FBXO17: variants seen among roughly 807,000 people sequenced by gnomAD.
FBXO17 encodes F-box protein 17.
FBXO17 carries 43 observed loss-of-function variants against 34.1 expected under a neutral mutation model. The observed-to-expected ratio is 1.26, with a 90% CI of 0.99 to 1.62. The LOEUF is 1.62. Ranked by LOEUF, FBXO17 falls within the 40% of genes most tolerant of loss-of-function variation. FBXO17 has a pLI of 0.00. For synonymous variants in FBXO17, 169 were observed against 166.0 expected (o/e 1.02, Z -0.14); for missense variants, 424 against 386.7 (o/e 1.10, Z -0.81).
At chr19:38,974,353 C>G (rs2144850077) in intron 1 of FBXO17, among the ~76,000 whole-genome samples, 1 of 152,196 alleles carries the variant, frequency 6.6e-6, no homozygotes, top group Admixed American at 6.6e-5. Flanking sequence ...GCTGGGATTA[C>G]AAGCGTGAGC....
At position 38,958,406 on chromosome 19, in the gene FBXO17, C is replaced by CAAAAA. The variant is rs61007658; in HGVS notation, c.-17-8075_-17-8071dup. On this transcript the variant is annotated intron_variant, in intron 1 of 5. Transcript: ENST00000292852. ...CTGGGCAACAAGAGTGAAACTGTCT[C>CAAAAA]AAAAAAAAAAAAAAAAAAAAAAGGA... 1.7e-3 allele frequency among the ~76,000 whole-genome samples: 169 copies of CAAAAA among 98,702 alleles called. 1 individual carries two copies. Among genetic ancestry groups the CAAAAA allele is most frequent in the South Asian group, 8.4e-3 (21 of 2,486 alleles). 64.8% of individuals were successfully genotyped at this position (98,702 alleles called of 152,430 possible).
At chr19:38,952,640 C>T (rs1975102345) in intron 1 of FBXO17, 1 of 534,138 alleles carries the variant, frequency 1.9e-6, no homozygotes, top group Non-Finnish European at 3.8e-6. Flanking sequence ...TAGCTCTGGG[C>T]TCACGGCCGC....
At chr19:38,953,757 G>A (rs1220335952) in intron 1 of FBXO17, among the ~76,000 whole-genome samples, 1 of 152,144 alleles carries the variant, frequency 6.6e-6, no homozygotes, top group Non-Finnish European at 1.5e-5. Flanking sequence ...CAGTGCATGG[G>A]GGAAACTGAA....
At chr19:38,972,254 A>G (rs1275248143) in intron 1 of FBXO17, among the ~76,000 whole-genome samples, 1 of 152,078 alleles carries the variant, frequency 6.6e-6, no homozygotes, top group Non-Finnish European at 1.5e-5. Flanking sequence ...AAACAAAAAA[A>G]CTAGGCCGGG....
At chr19:38,959,281 TTC>T (rs1396363254) in intron 1 of FBXO17, among the ~76,000 whole-genome samples, 15 of 52,178 alleles carry the variant, frequency 2.9e-4, no homozygotes, top group African/African-American at 2.0e-3. Flanking sequence ...CTTTCTTTCT[TTC>T]TTTTTTTTTT....
At chr19:38,943,254 T>G (rs1252857886) in intron 5 of FBXO17, among the ~76,000 whole-genome samples, 1 of 151,700 alleles carries the variant, frequency 6.6e-6, no homozygotes, top group Admixed American at 6.6e-5. Flanking sequence ...GAGATAAAAT[T>G]TTCGTAAAAC....
intron 1 of FBXO17, among the ~76,000 whole-genome samples, chr19:38,961,270 T>C (rs1204801630): frequency 7.2e-6 from 1 of 139,294 alleles, no homozygotes; most frequent in East Asian, 2.2e-4. Context: ...TTTATTTCAA[T>C]TGATTTTAAA....
At chr19:38,946,752 T>C (rs1974990254) in intron 3 of FBXO17, 185 bp from the exon 4 acceptor site, 1 of 817,692 alleles carries the variant, frequency 1.2e-6, no homozygotes, top group Non-Finnish European at 1.9e-6. Context: ...GGAGTCCCTT[T>C]GCCATTCTCC....
At chr19:38,952,555 G>A (rs371132924) in intron 1 of FBXO17, 28 of 534,292 alleles carry the variant, frequency 5.2e-5, no homozygotes, top group Middle Eastern at 3.2e-4. Context: ...AACCCCCAGC[G>A]ATGAATCTCA....
At chr19:38,948,802 C>T in intron 2 of FBXO17, 124 bp from the exon 3 acceptor site, 1 of 699,626 alleles carries the variant, frequency 1.4e-6, no homozygotes, top group South Asian at 1.8e-5. Context: ...TCCCTGGTTT[C>T]TCCTACCGAC....
intron 1 of FBXO17, among the ~76,000 whole-genome samples, chr19:38,956,102 C>T (rs188113962): frequency 0.014 from 2,117 of 151,710 alleles, 21 homozygotes; most frequent in Non-Finnish European, 0.023. Flanking sequence ...CCCATCTCTA[C>T]AAAAAATACA....
In FBXO17 at chr19:38,941,754, CAT is replaced by C. The variant is rs1385192597; in HGVS notation, c.*852_*853del. ...GGGTGGGGGTCATGGCCATCACAAA[CAT>C]GTCACAGTGCTGCAGATATTTTGTT... On this transcript the variant is annotated 3_prime_UTR_variant, in exon 6 of 6. Transcript: ENST00000292852. 6.6e-6 allele frequency: 1 copy of C among 152,210 alleles called. No homozygotes were observed. Among genetic ancestry groups the C allele is most frequent in the African/African-American group, 2.4e-5 (1 of 41,454 alleles). The allele number at this position is 152,210 out of a possible 1,614,324, so 9.4% of individuals were successfully genotyped here.
chr19:38,960,282 C>G (rs1232165560), intron 1 of FBXO17, among the ~76,000 whole-genome samples: 1 of 82,270 alleles, frequency 1.2e-5, no homozygotes, highest in Non-Finnish European at 2.2e-5. Context: ...TTATAATAAG[C>G]CATTATTCCT....
chr19:38,972,316 AG>A (rs1975400272), intron 1 of FBXO17, among the ~76,000 whole-genome samples: 1 of 152,136 alleles, frequency 6.6e-6, no homozygotes. Context: ...AGGCCAAGGC[AG>A]GTGGATCACC....
chr19:38,949,879 T>G, intron 2 of FBXO17, 92 bp downstream of exon 2: 9 of 1,374,494 alleles, frequency 6.5e-6, no homozygotes, highest in African/African-American at 1.5e-5. Flanking sequence ...GTCTCGCCCA[T>G]TGGCTACATC....
At chr19:38,947,843 T>C (rs1188203383) in intron 3 of FBXO17, among the ~76,000 whole-genome samples, 2 of 151,288 alleles carry the variant, frequency 1.3e-5, no homozygotes, top group Non-Finnish European at 2.9e-5. Flanking sequence ...GGATTACAGC[T>C]ATGAGCCACC....
rs1325813056 is a variant in FBXO17 at position 38,949,922 on chromosome 19, C to T, written c.349+49G>A. The T allele has an allele frequency of 5.5e-6, 8 of 1,449,854 alleles. No individual in the cohort carries two copies. The South Asian group carries it at 1.1e-4, about 21-fold the overall frequency. 89.8% of individuals were successfully genotyped at this position (1,449,854 alleles called of 1,614,324 possible). ...CTCTGTCCCGGCCCCGCCCCCGCCT[C>T]GCTCGCGCGGCCCCCCTCAGCCTCC... On this transcript the variant is annotated intron_variant, in intron 2 of 5. Coordinates refer to ENST00000292852, the MANE Select transcript of FBXO17 (RefSeq NM_024907.7).
At chr19:38,972,073 T>C (rs1270684556) in intron 1 of FBXO17, among the ~76,000 whole-genome samples, 1 of 152,176 alleles carries the variant, frequency 6.6e-6, no homozygotes, top group Non-Finnish European at 1.5e-5. Flanking sequence ...CAGAGCCATG[T>C]CAAAAGACAA....
intron 1 of FBXO17, among the ~76,000 whole-genome samples, chr19:38,974,039 T>C (rs1159096793): frequency 2.7e-5 from 4 of 147,678 alleles, no homozygotes; most frequent in African/African-American, 7.4e-5. Context: ...TATACATATA[T>C]ATATATACAC....
Sources: allele counts gnomAD v4.1 joint callset (sites outside exome capture counted in the v4.1 genomes callset), GRCh38; gene constraint gnomAD v4.1.1; transcripts MANE v1.5; gene names NCBI Gene and HGNC (gene_info 2026-07-23, HGNC 2026-07-21).